Variants in PCSK2 observed in about 807,000 individuals in gnomAD.
PCSK2 encodes the protein proprotein convertase subtilisin/kexin type 2.
Under a neutral mutation model 69.7 loss-of-function variants are expected in PCSK2, and 14 were observed. That is an observed-to-expected ratio of 0.20 (90% CI 0.13 to 0.31). PCSK2 has a LOEUF of 0.31. Ranked by LOEUF, PCSK2 falls within the 10% of genes least tolerant of loss-of-function variation. PCSK2 has a pLI of 1.00. For synonymous variants in PCSK2, 307 were observed against 320.7 expected, an observed-to-expected ratio of 0.96 and a Z score of 0.46; for missense variants, 544 against 842.5, an observed-to-expected ratio of 0.65 and a Z score of 4.39.
chr20:17,314,264 G>T (rs1180445070), intron 2 of PCSK2, among the ~76,000 whole-genome samples: 1 of 151,948 alleles, frequency 6.6e-6, no homozygotes, highest in Admixed American at 6.6e-5. Flanking sequence ...TTTTTATTTT[G>T]TGTTTCAGCG....
rs145041784 is a variant in PCSK2 at position 17,369,039 on chromosome 20, C to T, written c.506-201C>T. On this transcript the variant is annotated intron_variant, in intron 4 of 11. Coordinates refer to ENST00000262545, the MANE Select transcript of PCSK2 (RefSeq NM_002594.5). The stretch of plus-strand genomic sequence containing the variant: ...AAGCTGTCTTGGGCAGCTGTCTCTC[C>T]GCTCTGGCAGTGCAGCCCACCTTCA... 6.2e-3 allele frequency among the ~76,000 whole-genome samples: 948 copies of T among 152,282 alleles called. 8 individuals are homozygous for T. Among genetic ancestry groups the T allele is most frequent in the African/African-American group, 0.02 (847 of 41,548 alleles).
intron 1 of PCSK2, among the ~76,000 whole-genome samples, chr20:17,248,098 CA>C (rs1423038573): frequency 6.6e-6 from 1 of 151,920 alleles, no homozygotes; most frequent in Non-Finnish European, 1.5e-5. Context: ...GCGAGTTCTT[CA>C]TTCACTTCTT....
At chr20:17,478,496 A>C (rs2033331761) in intron 11 of PCSK2, among the ~76,000 whole-genome samples, 1 of 152,176 alleles carries the variant, frequency 6.6e-6, no homozygotes, top group Admixed American at 6.5e-5. Context: ...TAAATCCAAA[A>C]ACTTTAAATT....
intron 8 of PCSK2, among the ~76,000 whole-genome samples, chr20:17,448,807 C>T (rs2032747591): frequency 6.6e-6 from 1 of 151,940 alleles, no homozygotes; most frequent in Admixed American, 6.6e-5. Context: ...TTTTGAGAAA[C>T]ACTGTAATCC....
intron 8 of PCSK2, among the ~76,000 whole-genome samples, chr20:17,438,649 C>G (rs2032534364): frequency 6.6e-6 from 1 of 152,084 alleles, no homozygotes; most frequent in Non-Finnish European, 1.5e-5. Context: ...TGGGGGCCAC[C>G]CCAGCTGCTG....
chr20:17,301,292 C>CT (rs1306879933), intron 2 of PCSK2, among the ~76,000 whole-genome samples: 1 of 152,156 alleles, frequency 6.6e-6, no homozygotes, highest in East Asian at 1.9e-4. Flanking sequence ...CAGCTCTGCT[C>CT]TGACAACTCT....
intron 11 of PCSK2, among the ~76,000 whole-genome samples, chr20:17,479,852 G>A (rs1159600445): frequency 6.7e-6 from 1 of 149,614 alleles, no homozygotes; most frequent in Non-Finnish European, 1.5e-5. Flanking sequence ...GAAACTTCGA[G>A]TGCTTAAATA....
At chr20:17,250,028 T>C (rs1427349705) in intron 1 of PCSK2, among the ~76,000 whole-genome samples, 1 of 152,180 alleles carries the variant, frequency 6.6e-6, no homozygotes, top group Non-Finnish European at 1.5e-5. Flanking sequence ...AAACATTACT[T>C]TTAAAAAGAA....
chr20:17,367,053 G>A (rs990729218), intron 4 of PCSK2, among the ~76,000 whole-genome samples: 1 of 151,272 alleles, frequency 6.6e-6, no homozygotes, highest in Non-Finnish European at 1.5e-5. Flanking sequence ...CTAGCTAAGT[G>A]TGAAAAAAGA....
chr20:17,479,939 G>C (rs2033365834), intron 11 of PCSK2, among the ~76,000 whole-genome samples: 1 of 115,776 alleles, frequency 8.6e-6, no homozygotes, highest in African/African-American at 3.1e-5. Context: ...AAAGTCTGGA[G>C]TCTTGATGTT....
At chr20:17,339,664 G>A (rs562481064) in intron 2 of PCSK2, among the ~76,000 whole-genome samples, 2 of 152,108 alleles carry the variant, frequency 1.3e-5, no homozygotes, top group East Asian at 1.9e-4. Flanking sequence ...GTTTTGCTTC[G>A]TGGCTTTTCC....
intron 2 of PCSK2, among the ~76,000 whole-genome samples, chr20:17,303,180 A>G (rs1407448421): frequency 6.9e-6 from 1 of 144,394 alleles, no homozygotes; most frequent in Non-Finnish European, 1.5e-5. Flanking sequence ...ATATATACAT[A>G]TATAATATAT....
At chr20:17,468,806 T>C (rs1230360032) in intron 11 of PCSK2, among the ~76,000 whole-genome samples, 1 of 152,218 alleles carries the variant, frequency 6.6e-6, no homozygotes, top group Non-Finnish European at 1.5e-5. Flanking sequence ...CAGCCCACCA[T>C]AGGTCAGCAT....
intron 2 of PCSK2, among the ~76,000 whole-genome samples, chr20:17,294,035 C>T (rs925524152): frequency 6.7e-6 from 1 of 149,936 alleles, no homozygotes; most frequent in Admixed American, 6.6e-5. Context: ...TTACATGTTC[C>T]TTGAACGTAC....
At chr20:17,295,344 A>G (rs925640156) in intron 2 of PCSK2, among the ~76,000 whole-genome samples, 1 of 152,028 alleles carries the variant, frequency 6.6e-6, no homozygotes, top group African/African-American at 2.4e-5. Flanking sequence ...GCCAACCCAG[A>G]CAGTCTGATT....
intron 3 of PCSK2, among the ~76,000 whole-genome samples, chr20:17,359,995 T>C (rs2030335728): frequency 6.6e-6 from 1 of 152,246 alleles, no homozygotes; most frequent in South Asian, 2.1e-4. Flanking sequence ...CAGTTTTCTT[T>C]AATTCAGTTC....
chr20:17,254,378 A>G (rs576669429), intron 1 of PCSK2, among the ~76,000 whole-genome samples: 1 of 152,312 alleles, frequency 6.6e-6, no homozygotes, highest in East Asian at 1.9e-4. Context: ...TGCATGTGGT[A>G]TGAGATAGGA....
intron 1 of PCSK2, among the ~76,000 whole-genome samples, chr20:17,238,575 A>G (rs1445384809): frequency 6.6e-6 from 1 of 152,126 alleles, no homozygotes; most frequent in African/African-American, 2.4e-5. Context: ...GGTGGTTTAG[A>G]CAATGCATTA....
intron 2 of PCSK2, among the ~76,000 whole-genome samples, chr20:17,344,210 G>T (rs886543954): frequency 6.6e-6 from 1 of 152,190 alleles, no homozygotes; most frequent in South Asian, 2.1e-4. Flanking sequence ...AGAATCAATC[G>T]CTCTGACCTT....
Sources: gnomAD v4.1 joint callset for allele counts (sites outside exome capture counted in the v4.1 genomes callset) on GRCh38, gnomAD v4.1.1 for gene constraint, MANE v1.5 for transcripts, NCBI Gene and HGNC (gene_info 2026-07-23, HGNC 2026-07-21) for gene names.